KCNIP3: variants seen among roughly 807,000 people sequenced by gnomAD.
KCNIP3 encodes calsenilin.
In KCNIP3, 28 loss-of-function variants were observed where a neutral mutation model predicts 35.0. The observed-to-expected ratio is 0.80, with a 90% confidence interval of 0.59 to 1.10. The LOEUF is 1.10. Among genes scored for constraint, KCNIP3 ranks in the 50% least tolerant of loss-of-function variants. The pLI is 0.00. For missense variants in KCNIP3, 295 were observed against 338.4 expected (o/e 0.87, Z 1.01); for synonymous variants, 134 against 133.8 (o/e 1.00, Z -0.01).
chr2:95,345,786 C>T (rs1206283413), intron 2 of KCNIP3, among the ~76,000 whole-genome samples: 9 of 152,256 alleles, frequency 5.9e-5, no homozygotes, highest in African/African-American at 1.9e-4. Context: ...CCCGGCCACG[C>T]CTCGTCCTCC....
chr2:95,339,112 A>G (rs1331916082), intron 2 of KCNIP3, among the ~76,000 whole-genome samples: 1 of 152,158 alleles, frequency 6.6e-6, no homozygotes, highest in African/African-American at 2.4e-5. Context: ...CCCTGTGCCT[A>G]AATATCATAA....
chr2:95,346,165 T>G (rs969867102), intron 2 of KCNIP3, among the ~76,000 whole-genome samples: 22 of 152,120 alleles, frequency 1.4e-4, no homozygotes, highest in African/African-American at 5.1e-4. Flanking sequence ...CAGTTTAATC[T>G]CCGGCGGAGG....
At chr2:95,357,501 G>A (rs535555267) in intron 2 of KCNIP3, among the ~76,000 whole-genome samples, 5 of 152,134 alleles carry the variant, frequency 3.3e-5, no homozygotes, top group African/African-American at 4.8e-5. Context: ...GCTGAGCTCC[G>A]GTCGTCTAGA....
rs1311626688 is a variant in KCNIP3, at chr2:95,385,235, G to A, written c.*1186G>A. On this transcript the variant is annotated 3_prime_UTR_variant, in exon 9 of 9. Transcript: ENST00000295225. ...GTAGCCCCAATATGGTGGCCCTGGGGAAGAGGCCTTGGGGGTCTGCTCTGT... is the reference window on the plus strand; with the variant it reads ...GTAGCCCCAATATGGTGGCCCTGGGAAAGAGGCCTTGGGGGTCTGCTCTGT... 1.3e-5 allele frequency: 2 copies of A among 152,826 alleles called. No individual in the cohort carries two copies. The highest frequency in any genetic ancestry group is 1.9e-4 in the East Asian group (1 of 5,200). 9.5% of individuals were successfully genotyped at this position (152,826 alleles called of 1,614,324 possible). A position where few individuals can be genotyped will look rare whatever the true frequency, so the allele number is the denominator to read the frequency against.
At chr2:95,362,002 G>A (rs1266429834) in intron 2 of KCNIP3, among the ~76,000 whole-genome samples, 2 of 152,180 alleles carry the variant, frequency 1.3e-5, no homozygotes, top group Non-Finnish European at 2.9e-5. Context: ...TTTCTGGTGA[G>A]GGCTGTCTTC....
At chr2:95,362,652 G>T (rs990489878) in intron 2 of KCNIP3, among the ~76,000 whole-genome samples, 1 of 152,106 alleles carries the variant, frequency 6.6e-6, no homozygotes, top group Non-Finnish European at 1.5e-5. Context: ...ATTTAATGCC[G>T]CTGCTCATCT....
chr2:95,382,304 T>TG lies in KCNIP3; in HGVS notation c.556-72dup. The TG allele has an allele frequency of 1.0e-6, 1 of 962,012 alleles. No individual in the cohort carries two copies. The highest frequency in any genetic ancestry group is 1.8e-5 in the South Asian group (1 of 56,030). The allele number at this position is 962,012 out of a possible 1,614,324, so 59.6% of individuals were successfully genotyped here. A position where few individuals can be genotyped will look rare whatever the true frequency, so the allele number is the denominator to read the frequency against. On this transcript the variant is annotated intron_variant, in intron 6 of 8. Transcript: ENST00000295225. The surrounding 1 kb of genome is among the most constrained non-coding windows in gnomAD (Gnocchi z 4.5). ...CTTGGAGGTGCCCTGCACCCTTGGA[T>TG]GCCGCCCGCTCCCTTTGGGCCCTCA...
chr2:95,381,721 G>A lies in KCNIP3; in HGVS notation c.555+18G>A. ...CCAAAGAGGTAGTAGGGGGCTGGGG[G>A]CAGGGATTGTCCCCTCCTCCCCTCC... On this transcript the variant is annotated intron_variant, in intron 6 of 8. Transcript: ENST00000295225. 6.5e-7 allele frequency: 1 copy of A among 1,532,600 alleles called. No individual in the cohort carries two copies. Among genetic ancestry groups the A allele is most frequent in the Non-Finnish European group, 9.0e-7 (1 of 1,106,754 alleles). 94.9% of individuals were successfully genotyped at this position (1,532,600 alleles called of 1,614,324 possible).
At chr2:95,309,333 G>A (rs1424329353) in intron 1 of KCNIP3, among the ~76,000 whole-genome samples, 2 of 152,042 alleles carry the variant, frequency 1.3e-5, no homozygotes, top group Non-Finnish European at 1.5e-5. Context: ...CCTGAAATAC[G>A]TTGTAGGAGA....
rs778125944 is a variant in KCNIP3, at chr2:95,382,509, A to G, written c.660+28A>G. ...GAGCGAGCGCCAGCCCTGCCTAGGGAGGGGAGCCTGGCAGAGGAAGGGGCT... is the reference window on the plus strand; with the variant it reads ...GAGCGAGCGCCAGCCCTGCCTAGGGGGGGGAGCCTGGCAGAGGAAGGGGCT... On this transcript the variant is annotated intron_variant, in intron 7 of 8. Transcript: ENST00000295225. This position sits in a 1 kb window ranked among gnomAD's most constrained non-coding sequence, Gnocchi z 4.5. 4 of 1,534,194 alleles carry G rather than the reference A, an allele frequency of 2.6e-6. No individual in the cohort carries two copies. The highest frequency in any genetic ancestry group is 4.6e-5 in the East Asian group (2 of 43,458).
At chr2:95,306,628 C>T (rs1678174783) in intron 1 of KCNIP3, among the ~76,000 whole-genome samples, 2 of 152,148 alleles carry the variant, frequency 1.3e-5, no homozygotes, top group South Asian at 4.1e-4. Flanking sequence ...GTGCCAGGAG[C>T]AGCAGGTGCC....
intron 2 of KCNIP3, among the ~76,000 whole-genome samples, chr2:95,319,212 G>A (rs1248392890): frequency 6.6e-6 from 1 of 152,252 alleles, no homozygotes; most frequent in Non-Finnish European, 1.5e-5. Context: ...GCAGGAGGAA[G>A]GCGGACCCTG....
chr2:95,345,626 G>C (rs538003578), intron 2 of KCNIP3, among the ~76,000 whole-genome samples: 2 of 152,268 alleles, frequency 1.3e-5, no homozygotes, highest in Non-Finnish European at 2.9e-5. Flanking sequence ...AACACAGCGG[G>C]AAGGATGAGG....
chr2:95,365,657 G>A (rs1294173372), intron 2 of KCNIP3, among the ~76,000 whole-genome samples: 2 of 152,110 alleles, frequency 1.3e-5, no homozygotes, highest in Non-Finnish European at 2.9e-5. Flanking sequence ...TGTTTTTAAT[G>A]GAAGAAATAG....
At chr2:95,303,774 G>GC (rs1303778701) in intron 1 of KCNIP3, among the ~76,000 whole-genome samples, 5 of 152,238 alleles carry the variant, frequency 3.3e-5, no homozygotes, top group African/African-American at 1.2e-4. Flanking sequence ...GCTGCCCCAA[G>GC]CCTGCCGGCT....
chr2:95,306,613 G>A (rs1200131696), intron 1 of KCNIP3, among the ~76,000 whole-genome samples: 1 of 152,198 alleles, frequency 6.6e-6, no homozygotes, highest in African/African-American at 2.4e-5. Flanking sequence ...GGGCAGAAGT[G>A]TCCAGTGCCA....
chr2:95,308,912 C>G (rs577264810), intron 1 of KCNIP3, among the ~76,000 whole-genome samples: 1 of 152,336 alleles, frequency 6.6e-6, no homozygotes, highest in East Asian at 1.9e-4. Context: ...TTTGAACAAC[C>G]AAATACTTTT....
rs565524620 is a variant in KCNIP3 at position 95,377,526 on chromosome 2, T to C, written c.447+2318T>C. On this transcript the variant is annotated intron_variant, in intron 5 of 8. Transcript: ENST00000295225. This position sits in a 1 kb window ranked among gnomAD's most constrained non-coding sequence, Gnocchi z 4.7. ...GAAGTATGCTGTGTCACTGGAGCCC[T>C]CACCCTGCCTAGCCCCTGCCATGGG... 2.0e-5 allele frequency among the ~76,000 whole-genome samples: 3 copies of C among 152,340 alleles called. No individual in the cohort carries two copies. The highest frequency in any genetic ancestry group is 7.2e-5 in the African/African-American group (3 of 41,574).
chr2:95,306,538 G>A lies in KCNIP3; in HGVS notation c.16-3817G>A, dbSNP rs537735152. 9.5e-4 allele frequency among the ~76,000 whole-genome samples: 145 copies of A among 152,308 alleles called. 1 individual carries two copies. Among genetic ancestry groups the A allele is most frequent in the Non-Finnish European group, 1.7e-3 (113 of 68,030 alleles). On this transcript the variant is annotated intron_variant, in intron 1 of 8. Transcript: ENST00000295225. ...CTGAGATGGAGGTGCATGGGGGAGG[G>A]TGGCCTAGGTAGTCAGGCAGGGCTC...
Sources: allele counts gnomAD v4.1 joint callset (sites outside exome capture counted in the v4.1 genomes callset), GRCh38; gene constraint gnomAD v4.1.1; non-coding constraint Gnocchi (gnomAD v3.1); transcripts MANE v1.5; gene names NCBI Gene and HGNC (gene_info 2026-07-23, HGNC 2026-07-21).